Variants in NEGR1 observed in about 807,000 individuals in gnomAD.
NEGR1 encodes the protein neuronal growth regulator 1.
A neutral mutation model predicts 40.9 loss-of-function variants in NEGR1; 10 were observed. The ratio of observed to expected loss-of-function variants is 0.24; its 90% CI spans 0.15 to 0.42. The LOEUF (loss-of-function observed/expected upper bound fraction) is 0.42. Ranked by LOEUF, NEGR1 falls within the 10% of genes least tolerant of loss-of-function variation. The pLI, the probability that NEGR1 is intolerant of heterozygous loss-of-function variation, is 1.00. For missense variants in NEGR1, 352 were observed against 438.9 expected, an observed-to-expected ratio of 0.80 and a Z score of 1.77; for synonymous variants, 185 against 166.8, an observed-to-expected ratio of 1.11 and a Z score of -0.84.
At chr1:72,061,027 A>C (rs1647164263) in intron 1 of NEGR1, among the ~76,000 whole-genome samples, 2 of 151,736 alleles carry the variant, frequency 1.3e-5, no homozygotes, top group African/African-American at 4.8e-5. Context: ...ATCCTGTCTC[A>C]AAATGGGAAA....
At chr1:71,435,684 G>C (rs963981230) in intron 6 of NEGR1, among the ~76,000 whole-genome samples, 1 of 152,202 alleles carries the variant, frequency 6.6e-6, no homozygotes, top group Non-Finnish European at 1.5e-5. Flanking sequence ...GCCAACCCCT[G>C]AGCCTTGAAG....
At chr1:71,529,166 T>C (rs1569990614) in intron 6 of NEGR1, among the ~76,000 whole-genome samples, 1 of 151,226 alleles carries the variant, frequency 6.6e-6, no homozygotes, top group East Asian at 1.9e-4. Context: ...AGGTGGGGTA[T>C]TTGCGGTGCA....
rs544007034 is a variant in NEGR1, at chr1:71,827,030, A to G, written c.410-50733T>C. ...TTAGCAAGCGATTGCTTTTAAGCTT[A>G]TACTTTTGCTAAGAGCAGTTGCCAC... is the stretch of plus-strand genomic sequence containing the variant. On this transcript the variant is annotated intron_variant, in intron 2 of 6. Transcript: ENST00000357731. 9.5e-4 allele frequency among the ~76,000 whole-genome samples: 144 copies of G among 151,992 alleles called. 2 individuals are homozygous for G. The highest frequency in any genetic ancestry group is 3.3e-3 in the African/African-American group (137 of 41,518).
chr1:71,568,829 C>CGTGTGTGT (rs35692576), intron 6 of NEGR1, among the ~76,000 whole-genome samples: 2,112 of 147,528 alleles, frequency 0.014, 30 homozygotes, highest in East Asian at 0.061. Flanking sequence ...TATATGTATA[C>CGTGTGTGT]GTGTGTGTGT....
At chr1:72,113,463 A>AT (rs528706468) in intron 1 of NEGR1, among the ~76,000 whole-genome samples, 1,586 of 151,282 alleles carry the variant, frequency 0.01, 35 homozygotes, top group African/African-American at 0.035. Flanking sequence ...TTAGAAAAAA[A>AT]ATATATATAT....
At chr1:71,527,806 T>C (rs1188565788) in intron 6 of NEGR1, among the ~76,000 whole-genome samples, 1 of 151,342 alleles carries the variant, frequency 6.6e-6, no homozygotes, top group Non-Finnish European at 1.5e-5. Context: ...TCAATTACCA[T>C]AGGAAATGCT....
intron 1 of NEGR1, among the ~76,000 whole-genome samples, chr1:72,048,510 C>T (rs183115430): frequency 8.8e-4 from 133 of 151,554 alleles, no homozygotes; most frequent in African/African-American, 2.9e-3. Flanking sequence ...ATTCTTAATA[C>T]ATATTTACCC....
intron 1 of NEGR1, among the ~76,000 whole-genome samples, chr1:72,018,887 T>C (rs1646733618): frequency 6.6e-6 from 1 of 152,086 alleles, no homozygotes. Flanking sequence ...GGCAACATGA[T>C]CTAGCACCGG....
intron 3 of NEGR1, among the ~76,000 whole-genome samples, chr1:71,700,177 G>A (rs548177087): frequency 1.6e-3 from 236 of 152,034 alleles, no homozygotes; most frequent in African/African-American, 5.3e-3. Context: ...TTATTATTAT[G>A]TGTAAGGAAC....
At chr1:71,868,950 C>A (rs1660198994) in intron 2 of NEGR1, among the ~76,000 whole-genome samples, 1 of 152,072 alleles carries the variant, frequency 6.6e-6, no homozygotes, top group African/African-American at 2.4e-5. Flanking sequence ...CTTCAACCTT[C>A]ATGATTTACA....
intron 6 of NEGR1, among the ~76,000 whole-genome samples, chr1:71,426,066 A>T (rs535595364): frequency 3.3e-5 from 5 of 152,222 alleles, no homozygotes; most frequent in African/African-American, 4.8e-5. Context: ...ATGCATACAT[A>T]CACAGTGCAG....
intron 1 of NEGR1, among the ~76,000 whole-genome samples, chr1:72,208,928 A>G (rs1653502275): frequency 6.6e-6 from 1 of 151,640 alleles, no homozygotes. Context: ...TGGGTGATTC[A>G]TCAGTTAAAA....
chr1:71,410,818 C>G (rs1343077698), intron 6 of NEGR1, among the ~76,000 whole-genome samples: 1 of 152,060 alleles, frequency 6.6e-6, no homozygotes, highest in Non-Finnish European at 1.5e-5. Context: ...TTATTTGGGT[C>G]AATGGATCTT....
At chr1:72,198,557 C>A (rs1653082927) in intron 1 of NEGR1, among the ~76,000 whole-genome samples, 1 of 151,982 alleles carries the variant, frequency 6.6e-6, no homozygotes, top group Non-Finnish European at 1.5e-5. Context: ...TAACGTACAG[C>A]CATATCTATT....
At chr1:71,450,402 G>A (rs541302515) in intron 6 of NEGR1, among the ~76,000 whole-genome samples, 2 of 152,234 alleles carry the variant, frequency 1.3e-5, no homozygotes, top group African/African-American at 4.8e-5. Context: ...CATTTAAATC[G>A]TAAATACTAT....
chr1:71,486,993 T>C (rs1184889424), intron 6 of NEGR1: 1 of 151,644 alleles, frequency 6.6e-6, no homozygotes, highest in African/African-American at 2.4e-5. Flanking sequence ...CAGGCCGATA[T>C]AGCAGTTGCA....
intron 1 of NEGR1, among the ~76,000 whole-genome samples, chr1:72,194,008 C>G (rs914928631): frequency 1.3e-4 from 20 of 151,718 alleles, no homozygotes; most frequent in Admixed American, 1.3e-3. Flanking sequence ...ATTCAATGAG[C>G]AACAACTTTA....
At position 71,652,034 on chromosome 1, in the gene NEGR1, T is replaced by C. The variant is rs140369689; in HGVS notation, c.668-40888A>G. On this transcript the variant is annotated intron_variant, in intron 4 of 6. Coordinates refer to ENST00000357731, the MANE Select transcript of NEGR1 (RefSeq NM_173808.3). The stretch of plus-strand genomic sequence containing the variant: ...TAATAATTTTATGAGGTGGGATTTA[T>C]TTGTATTTTACAACTAGAGAAACTA... 4.6e-3 allele frequency among the ~76,000 whole-genome samples: 707 copies of C among 152,292 alleles called. 4 individuals carry two copies. The highest frequency in any genetic ancestry group is 0.016 in the African/African-American group (668 of 41,558).
chr1:71,725,959 A>G (rs1432010447), intron 3 of NEGR1, among the ~76,000 whole-genome samples: 1 of 152,154 alleles, frequency 6.6e-6, no homozygotes, highest in African/African-American at 2.4e-5. Flanking sequence ...TCTGGTTAAA[A>G]AAATTAACAA....
Sources: gnomAD v4.1 joint callset for allele counts (sites outside exome capture counted in the v4.1 genomes callset) on GRCh38, gnomAD v4.1.1 for gene constraint, MANE v1.5 for transcripts, NCBI Gene and HGNC (gene_info 2026-07-23, HGNC 2026-07-21) for gene names.